The following INTS15 variants were observed in gnomAD, a reference collection of about 807,000 sequenced individuals.
The protein encoded by INTS15 is integrator complex subunit 15, also known as uncharacterized protein C7orf26.
chr7:6,603,172 C>G, the INTS15 span, among the ~76,000 whole-genome samples: 1 of 152,012 alleles, frequency 6.6e-6, no homozygotes, highest in Non-Finnish European at 1.5e-5. Context: ...ATCACTTGAA[C>G]CCGGAAGGTG....
the INTS15 span, among the ~76,000 whole-genome samples, chr7:6,603,314 G>A: frequency 1.3e-5 from 2 of 151,840 alleles, no homozygotes; most frequent in East Asian, 3.9e-4. Context: ...TTGGGAGAAC[G>A]AGGCAGGTGG....
chr7:6,601,783 A>C, the INTS15 span, among the ~76,000 whole-genome samples: 1 of 151,512 alleles, frequency 6.6e-6, no homozygotes, highest in African/African-American at 2.4e-5. Flanking sequence ...CAGCCGCCTG[A>C]GTAGCTGGGA....
the INTS15 span, among the ~76,000 whole-genome samples, chr7:6,603,346 G>C: frequency 6.6e-6 from 1 of 152,126 alleles, no homozygotes. Flanking sequence ...TCAGGAGTTT[G>C]AGACCAGCCT....
chr7:6,600,038 A>C, the INTS15 span: 5 of 1,614,082 alleles, frequency 3.1e-6, no homozygotes, highest in African/African-American at 5.3e-5. Flanking sequence ...CCCCTTATCC[A>C]ATGGCCATGT....
the INTS15 span, chr7:6,607,590 G>C: frequency 1.5e-6 from 2 of 1,365,064 alleles, no homozygotes; most frequent in South Asian, 1.2e-5. This position sits in a 1 kb window ranked among gnomAD's most constrained non-coding sequence, Gnocchi z 6.0. Context: ...CTTCTGCTTG[G>C]AATTCAGGTA....
At chr7:6,600,447 C>T in the INTS15 span, 2,157 of 1,339,612 alleles carry the variant, frequency 1.6e-3, 16 homozygotes, top group African/African-American at 0.019. Flanking sequence ...ACTGTTTTTG[C>T]TTCATTTAGG....
the INTS15 span, chr7:6,608,239 A>G: frequency 2.6e-6 from 4 of 1,516,448 alleles, no homozygotes; most frequent in Non-Finnish European, 3.5e-6. Flanking sequence ...CTCCCAGAAG[A>G]GAACCTCGGG....
chr7:6,595,215 A>G, the INTS15 span, among the ~76,000 whole-genome samples: 1 of 152,032 alleles, frequency 6.6e-6, no homozygotes, highest in Non-Finnish European at 1.5e-5. Context: ...TATTTTTTAT[A>G]GAGACAGGGT....
chr7:6,600,760 C>A, the INTS15 span, among the ~76,000 whole-genome samples: 77 of 152,206 alleles, frequency 5.1e-4, no homozygotes, highest in African/African-American at 1.7e-3. Flanking sequence ...TGGGTTTAAG[C>A]AATCATCGTG....
chr7:6,590,167 G>A, the INTS15 span: 2 of 879,112 alleles, frequency 2.3e-6, no homozygotes, highest in African/African-American at 3.5e-5. Flanking sequence ...GGGCAAGCGG[G>A]CGGGTGCCGC....
chr7:6,608,250 G>GA, the INTS15 span: 1 of 1,504,846 alleles, frequency 6.6e-7, no homozygotes, highest in Non-Finnish European at 8.9e-7. Context: ...GAACCTCGGG[G>GA]AAGGGGTCGG....
At chr7:6,594,001 CTTTTTT>C in the INTS15 span, among the ~76,000 whole-genome samples, 3 of 68,938 alleles carry the variant, frequency 4.4e-5, no homozygotes, top group Admixed American at 2.1e-4. Flanking sequence ...AAGCCTTTAA[CTTTTTT>C]TTTTTTTTTT....
the INTS15 span, among the ~76,000 whole-genome samples, chr7:6,591,181 C>T: frequency 6.6e-6 from 1 of 151,970 alleles, no homozygotes; most frequent in Non-Finnish European, 1.5e-5. Context: ...TCCCTGAGAC[C>T]TGAGCTTTAC....
the INTS15 span, chr7:6,600,355 A>G: frequency 1.9e-6 from 3 of 1,608,276 alleles, no homozygotes; most frequent in Non-Finnish European, 2.5e-6. Flanking sequence ...TGTGCACGAG[A>G]GGTGGGTGCC....
the INTS15 span, chr7:6,602,288 A>G: frequency 3.3e-6 from 2 of 613,988 alleles, no homozygotes; most frequent in Non-Finnish European, 5.7e-6. Flanking sequence ...ACGCACGTGA[A>G]TGGAACTCAA....
chr7:6,593,564 G>C, the INTS15 span, among the ~76,000 whole-genome samples: 3 of 151,534 alleles, frequency 2.0e-5, no homozygotes, highest in Non-Finnish European at 2.9e-5. Flanking sequence ...TCGATCTCCT[G>C]ACCTTGTGAT....
At chr7:6,599,672 C>G in the INTS15 span, among the ~76,000 whole-genome samples, 1 of 152,076 alleles carries the variant, frequency 6.6e-6, no homozygotes, top group African/African-American at 2.4e-5. Flanking sequence ...TGTGGATGTT[C>G]TAGGAAAGGG....
the INTS15 span, chr7:6,602,330 G>A: frequency 1.8e-6 from 1 of 553,526 alleles, no homozygotes; most frequent in East Asian, 3.1e-5. Flanking sequence ...TGGTCATCTT[G>A]CTGGTAGTCT....
the INTS15 span, chr7:6,591,661 C>T: frequency 6.2e-7 from 1 of 1,614,078 alleles, no homozygotes; most frequent in Non-Finnish European, 8.5e-7. Context: ...GAATTCCCTT[C>T]AGGAGCTTCA....
Sources: allele counts gnomAD v4.1 joint callset (sites outside exome capture counted in the v4.1 genomes callset), GRCh38; gene constraint gnomAD v4.1.1; non-coding constraint Gnocchi (gnomAD v3.1); transcripts MANE v1.5; gene names NCBI Gene and HGNC (gene_info 2026-07-23, HGNC 2026-07-21).